The following SBF2 variants were observed in gnomAD, a reference collection of about 807,000 sequenced individuals.
SBF2 encodes the protein SET binding factor 2.
In SBF2, 112 loss-of-function variants were observed where a neutral mutation model predicts 225.2. The ratio of observed to expected loss-of-function variants is 0.50; its 90% CI spans 0.43 to 0.58. The LOEUF is 0.58. Ranked by LOEUF, SBF2 falls within the 20% of genes least tolerant of loss-of-function variation. The pLI is 0.00. For missense variants in SBF2, 1,996 were observed against 2,206.2 expected (o/e 0.90, Z 1.91); for synonymous variants, 763 against 773.3 (o/e 0.99, Z 0.22).
At chr11:10,046,895 A>AAC (rs1565170621) in intron 2 of SBF2, among the ~76,000 whole-genome samples, 1 of 150,796 alleles carries the variant, frequency 6.6e-6, no homozygotes, top group African/African-American at 2.4e-5. Flanking sequence ...AAAAAAAAAA[A>AAC]CCCATCCCTG....
intron 2 of SBF2, among the ~76,000 whole-genome samples, chr11:10,139,650 C>T (rs1056167694): frequency 6.6e-6 from 1 of 152,184 alleles, no homozygotes; most frequent in African/African-American, 2.4e-5. Context: ...CGTATATAAG[C>T]TCCTGTTCAA....
chr11:9,812,823 G>T, intron 29 of SBF2, 115 bp from the exon 30 acceptor site: 1 of 1,009,532 alleles, frequency 9.9e-7, no homozygotes, highest in Non-Finnish European at 1.5e-6. Context: ...AGCTGCAGAG[G>T]CTGCCAATGG....
At chr11:10,255,269 G>A (rs1960772718) in intron 1 of SBF2, among the ~76,000 whole-genome samples, 1 of 152,104 alleles carries the variant, frequency 6.6e-6, no homozygotes, top group Non-Finnish European at 1.5e-5. Context: ...GTAAGTTAAT[G>A]TATATGTTAT....
intron 1 of SBF2, among the ~76,000 whole-genome samples, chr11:10,216,941 T>G (rs1213835279): frequency 6.6e-6 from 1 of 152,136 alleles, no homozygotes; most frequent in Non-Finnish European, 1.5e-5. Flanking sequence ...TGCAAATATT[T>G]AAATGATATA....
chr11:10,063,874 G>GAGAGAA (rs1236160980), intron 2 of SBF2, among the ~76,000 whole-genome samples: 2 of 151,284 alleles, frequency 1.3e-5, no homozygotes, highest in Non-Finnish European at 3.0e-5. Flanking sequence ...GAGAGAGAGA[G>GAGAGAA]AGAGAGAAAA....
At chr11:10,113,719 T>C (rs908725199) in intron 2 of SBF2, among the ~76,000 whole-genome samples, 14 of 152,046 alleles carry the variant, frequency 9.2e-5, no homozygotes, top group Admixed American at 6.5e-5. Context: ...AATTTTATAT[T>C]TTCTGGAAAT....
intron 1 of SBF2, among the ~76,000 whole-genome samples, chr11:10,286,054 C>T (rs10840384): frequency 0.27 from 41,717 of 151,960 alleles, 6,465 homozygotes; most frequent in Non-Finnish European, 0.35. Context: ...TCTCAAACTC[C>T]TGGACTCAAG....
At chr11:9,829,307 T>G in intron 28 of SBF2, 49 bp downstream of exon 28, 1 of 1,587,094 alleles carries the variant, frequency 6.3e-7, no homozygotes, top group South Asian at 1.1e-5. Context: ...GGAACAGAAC[T>G]GACCTTTCAT....
chr11:10,182,845 C>G (rs1266754116), intron 2 of SBF2, among the ~76,000 whole-genome samples: 1 of 151,952 alleles, frequency 6.6e-6, no homozygotes, highest in African/African-American at 2.4e-5. Context: ...GATGTCTCGT[C>G]TCACTGCAAC....
At chr11:9,838,865 G>A (rs1855901766) in intron 26 of SBF2, 1 of 154,420 alleles carries the variant, frequency 6.5e-6, no homozygotes, top group Admixed American at 6.3e-5. Context: ...CAACATATTT[G>A]AAAAACAGTG....
At chr11:10,173,385 A>G (rs1956301529) in intron 2 of SBF2, among the ~76,000 whole-genome samples, 1 of 152,182 alleles carries the variant, frequency 6.6e-6, no homozygotes, top group African/African-American at 2.4e-5. Context: ...TTCCTAGTCA[A>G]AGAAAGGGGT....
At chr11:9,941,764 T>C (rs1590549277) in intron 16 of SBF2, among the ~76,000 whole-genome samples, 1 of 152,122 alleles carries the variant, frequency 6.6e-6, no homozygotes, top group South Asian at 2.1e-4. Context: ...AATGTTATAC[T>C]ATAGGTCCTT....
intron 16 of SBF2, among the ~76,000 whole-genome samples, chr11:9,948,727 G>A (rs902325649): frequency 1.3e-5 from 2 of 152,034 alleles, no homozygotes; most frequent in South Asian, 2.1e-4. Flanking sequence ...ACACATAGAC[G>A]TATACCCACA....
intron 2 of SBF2, among the ~76,000 whole-genome samples, chr11:10,132,069 T>A (rs1954086668): frequency 6.6e-6 from 1 of 152,204 alleles, no homozygotes; most frequent in South Asian, 2.1e-4. Context: ...TGGTCTAAGT[T>A]TTTTGTCTAT....
chr11:10,213,432 T>C (rs145235971), intron 1 of SBF2, among the ~76,000 whole-genome samples: 44 of 152,348 alleles, frequency 2.9e-4, no homozygotes, highest in Middle Eastern at 6.8e-3. Flanking sequence ...AAATCTCTCA[T>C]AGATGAATCT....
intron 16 of SBF2, among the ~76,000 whole-genome samples, chr11:9,931,328 T>A (rs1292405909): frequency 6.6e-6 from 1 of 152,168 alleles, no homozygotes; most frequent in African/African-American, 2.4e-5. Context: ...CCCTGTGTAG[T>A]CTAACTGGGA....
At chr11:9,826,731 ATGTGTGTGTG>A (rs71453933) in intron 28 of SBF2, among the ~76,000 whole-genome samples, 3 of 64,896 alleles carry the variant, frequency 4.6e-5, no homozygotes, top group African/African-American at 2.6e-4. Context: ...ATATATATAT[ATGTGTGTGTG>A]TGTGTGTGTA....
intron 1 of SBF2, among the ~76,000 whole-genome samples, chr11:10,233,027 A>T (rs1286833465): frequency 6.6e-6 from 1 of 152,216 alleles, no homozygotes; most frequent in Admixed American, 6.5e-5. Context: ...AGTCTATAAT[A>T]GAAAATGCTG....
intron 16 of SBF2, among the ~76,000 whole-genome samples, chr11:9,935,405 A>G (rs1187001153): frequency 3.3e-5 from 5 of 152,212 alleles, no homozygotes; most frequent in African/African-American, 1.2e-4. Flanking sequence ...ATTCAATGCC[A>G]TCCCCATCAA....
Sources: allele counts gnomAD v4.1 joint callset (sites outside exome capture counted in the v4.1 genomes callset), GRCh38; gene constraint gnomAD v4.1.1; transcripts MANE v1.5; gene names NCBI Gene and HGNC (gene_info 2026-07-23, HGNC 2026-07-21).